The following NOTCH2 variants were observed in gnomAD, a reference collection of about 807,000 sequenced individuals.
NOTCH2 encodes the protein notch receptor 2.
NOTCH2 carries 29 observed loss-of-function variants against 235.8 expected under a neutral mutation model. The ratio of observed to expected loss-of-function variants is 0.12; its 90% CI spans 0.09 to 0.17. NOTCH2 has a LOEUF of 0.17. Among genes scored for constraint, NOTCH2 ranks in the 10% least tolerant of loss-of-function variants. The pLI is 1.00. For synonymous variants in NOTCH2, 1,086 were observed against 1,141.5 expected (o/e 0.95, Z 0.98); for missense variants, 2,285 against 3,150.2 (o/e 0.73, Z 6.57).
intron 5 of NOTCH2, among the ~76,000 whole-genome samples, chr1:119,975,211 C>G (rs1553200772): frequency 6.6e-6 from 1 of 150,826 alleles, no homozygotes; most frequent in Non-Finnish European, 1.5e-5. Flanking sequence ...ACTCAGAGTG[C>G]TACAAGTGAA....
At chr1:120,068,515 G>A (rs1553217457) in intron 1 of NOTCH2, among the ~76,000 whole-genome samples, 1 of 94,214 alleles carries the variant, frequency 1.1e-5, no homozygotes, top group East Asian at 3.0e-4. Context: ...TCACCCGCCC[G>A]TGCCCCACCC....
Position 119,923,881 on chromosome 1 carries a change from G to T in NOTCH2, c.4615C>A (p.Pro1539Thr), listed in dbSNP as rs2101159218. Reference protein sequence around the residue: ...WDGLDCAADQPENLAEGTLVI... With the variant: ...WDGLDCAADQTENLAEGTLVI... ...AGGGTACCTTCTGCCAGGTTCTCAG[G>T]TTGGTCAGCAGCACAGTCCAGCCCA... Residue 1539 changes from proline to threonine, a missense_variant, in exon 26 of 34, where the codon CCT becomes ACT. Physicochemically the swap from Pro to Thr is conservative, Grantham distance 38. Coordinates refer to ENST00000256646, the MANE Select transcript of NOTCH2 (RefSeq NM_024408.4). 6.2e-7 allele frequency: 1 copy of T among 1,614,174 alleles called. No homozygotes were observed. The highest frequency in any genetic ancestry group is 1.1e-5 in the South Asian group (1 of 91,084).
chr1:119,937,811 G>C, intron 20 of NOTCH2, 46 bp downstream of exon 20: 1 of 1,608,564 alleles, frequency 6.2e-7, no homozygotes, highest in Non-Finnish European at 8.5e-7. Flanking sequence ...CCACTGGACA[G>C]TCAATACTGC....
intron 5 of NOTCH2, among the ~76,000 whole-genome samples, chr1:119,970,439 G>A (rs1384239049): frequency 6.6e-6 from 1 of 152,216 alleles, no homozygotes; most frequent in South Asian, 2.1e-4. Context: ...GGAGCAAGCT[G>A]TGCTCAGCCT....
chr1:119,946,769 G>C (rs1286447540), intron 17 of NOTCH2, among the ~76,000 whole-genome samples: 1 of 151,980 alleles, frequency 6.6e-6, no homozygotes, highest in African/African-American at 2.4e-5. Context: ...ACAAGGTAAG[G>C]CTTCTCTCAC....
At chr1:119,995,505 A>G (rs1404695704) in intron 4 of NOTCH2, 8 of 152,268 alleles carry the variant, frequency 5.3e-5, no homozygotes, top group Non-Finnish European at 1.0e-4. Context: ...AATATTTTCA[A>G]AATAAAGTTG....
At position 119,968,258 on chromosome 1, in the gene NOTCH2, A is replaced by C. The variant is rs137866235; in HGVS notation, c.1109-26T>G. 737 of 1,611,914 alleles carry C rather than the reference A, an allele frequency of 4.6e-4. 6 individuals are homozygous for C. The African/African-American group carries it at 8.1e-3, about 18-fold the overall frequency. On this transcript the variant is annotated intron_variant, in intron 6 of 33. Transcript: ENST00000256646. Reference sequence around the variant, plus strand: ...CTGTCACAGGGTGGGGCAAAGGACAACTAAGAGAAAATGTCTCTCACTTGG... The same window carrying C: ...CTGTCACAGGGTGGGGCAAAGGACACCTAAGAGAAAATGTCTCTCACTTGG...
rs1650072471 is a variant in NOTCH2 at position 119,941,752 on chromosome 1, G to A, written c.2755C>T (p.Pro919Ser). 1 of 1,610,722 alleles carries A rather than the reference G, an allele frequency of 6.2e-7. No homozygotes were observed. The highest frequency in any genetic ancestry group is 1.7e-5 in the Admixed American group (1 of 59,982). ...ATACAGGAACCTCCATTCTGGCAAG[G>A]ATCTAAGCCATTACAAAAGAATTAG... Reference protein sequence around the residue: ...EEDIDDCLANPCQNGGSCMDG... With the variant: ...EEDIDDCLANSCQNGGSCMDG... Residue 919 changes from proline (P) to serine (S), a missense_variant and splice_region_variant, in exon 18 of 34, where the codon CCT becomes TCT. Coordinates refer to ENST00000256646, the MANE Select transcript of NOTCH2 (RefSeq NM_024408.4).
At chr1:120,064,456 T>C (rs1570799609) in intron 1 of NOTCH2, among the ~76,000 whole-genome samples, 2 of 151,148 alleles carry the variant, frequency 1.3e-5, no homozygotes, top group Admixed American at 6.6e-5. Context: ...AAAAAGAACA[T>C]AGAAACACAC....
chr1:120,039,020 G>A (rs1227650430), intron 1 of NOTCH2, among the ~76,000 whole-genome samples: 1 of 150,324 alleles, frequency 6.7e-6, no homozygotes, highest in Non-Finnish European at 1.5e-5. Flanking sequence ...CCAACTGAAT[G>A]GGAAAATTCA....
intron 15 of NOTCH2, 104 bp downstream of exon 15, chr1:119,950,620 C>G (rs782816195): frequency 2.7e-5 from 21 of 791,382 alleles, no homozygotes; most frequent in Non-Finnish European, 4.1e-5. Flanking sequence ...AGTGAGCCCT[C>G]GGAGGAGCAT....
Position 120,069,597 on chromosome 1 carries a change from G to C in NOTCH2, c.-191C>G. 7 of 1,408,832 alleles carry C rather than the reference G, an allele frequency of 5.0e-6. No individual in the cohort carries two copies. In the South Asian group the frequency reaches 6.1e-5, roughly 12 times the overall value. The allele number at this position is 1,408,832 out of a possible 1,614,324, so 87.3% of individuals were successfully genotyped here. ...CCGCGCCCCGAGTCCGCCGCTCCTCGGCCGCCGCCTCAGCCGCCGCCCGAA... is the reference window on the plus strand; with the variant it reads ...CCGCGCCCCGAGTCCGCCGCTCCTCCGCCGCCGCCTCAGCCGCCGCCCGAA... On this transcript the variant is annotated 5_prime_UTR_variant, in exon 1 of 34. Transcript: ENST00000256646.
rs1317475762 is a variant in NOTCH2, at chr1:119,915,452, G to C, written c.7270C>G (p.Gln2424Glu). Residue 2424 changes from glutamine to glutamate, a missense_variant, in exon 34 of 34, where the codon CAG (glutamine) becomes GAG (glutamate). Physicochemically the swap from Gln to Glu is conservative, Grantham distance 29. Around this residue, in one of 6 missense-constraint regions of NOTCH2, gnomAD observed 504 missense variants for 538.0 expected, o/e 0.94. Coordinates refer to ENST00000256646, the MANE Select transcript of NOTCH2 (RefSeq NM_024408.4). ...YLTPSPESPD[Q>E]WSSSSPHSAS... is the part of the protein sequence containing the mutation. ...GAGTGGGGTGATGAACTTGACCACT[G>C]GTCAGGAGACTCTGGGGATGGTGTC... 1.9e-6 allele frequency: 3 copies of C among 1,614,056 alleles called. No individual in the cohort carries two copies. In the African/African-American group the frequency reaches 4.0e-5, roughly 22 times the overall value.
At chr1:119,933,873 C>T (rs983721720) in intron 22 of NOTCH2, among the ~76,000 whole-genome samples, 1 of 152,212 alleles carries the variant, frequency 6.6e-6, no homozygotes, top group East Asian at 1.9e-4. Flanking sequence ...TTAATAATTC[C>T]GGTCAATATA....
chr1:119,944,366 T>G (rs1036697533), intron 17 of NOTCH2, among the ~76,000 whole-genome samples: 7 of 151,676 alleles, frequency 4.6e-5, no homozygotes, highest in Non-Finnish European at 8.8e-5. Flanking sequence ...AAACCCCATC[T>G]CTACTAAAAA....
chr1:119,983,296 G>A (rs1391423687), intron 5 of NOTCH2, among the ~76,000 whole-genome samples: 1 of 151,604 alleles, frequency 6.6e-6, no homozygotes, highest in Non-Finnish European at 1.5e-5. Flanking sequence ...CAGGACTACA[G>A]GTGCACGCCA....
chr1:119,996,349 T>A (rs1283920192), intron 4 of NOTCH2: 12 of 394,582 alleles, frequency 3.0e-5, no homozygotes, highest in Non-Finnish European at 5.2e-5. Flanking sequence ...CCACGCATAG[T>A]CTCTCATATA....
rs1648996523 is a variant in NOTCH2 at position 119,914,501 on chromosome 1, C to CA, written c.*804dup. On this transcript the variant is annotated 3_prime_UTR_variant, in exon 34 of 34. Coordinates refer to ENST00000256646, the MANE Select transcript of NOTCH2 (RefSeq NM_024408.4). ...TAAAGTTTATATGAAGACCTGCACA[C>CA]AGACAAGAAAAATTAAGGTGCAGCC... 1 of 233,348 alleles carries CA rather than the reference C, an allele frequency of 4.3e-6. No individual in the cohort carries two copies. Among genetic ancestry groups the CA allele is most frequent in the Non-Finnish European group, 8.5e-6 (1 of 118,216 alleles). 14.5% of individuals were successfully genotyped at this position (233,348 alleles called of 1,614,324 possible). A position where few individuals can be genotyped will look rare whatever the true frequency, so the allele number is the denominator to read the frequency against.
chr1:119,958,249 A>C (rs912067255), intron 12 of NOTCH2, among the ~76,000 whole-genome samples: 1 of 152,314 alleles, frequency 6.6e-6, no homozygotes, highest in South Asian at 2.1e-4. Context: ...ATTGGGTATG[A>C]CAGTTTTCAT....
Sources: gnomAD v4.1 joint callset for allele counts (sites outside exome capture counted in the v4.1 genomes callset) on GRCh38, gnomAD v4.1.1 for gene constraint, gnomAD v4.1.1 regional missense constraint, MANE v1.5 for transcripts, NCBI Gene and HGNC (gene_info 2026-07-23, HGNC 2026-07-21) for gene names.